Variants in STK32B observed in about 807,000 individuals in gnomAD.
The protein encoded by STK32B is serine/threonine-protein kinase 32B.
Under a neutral mutation model 52.6 loss-of-function variants are expected in STK32B, and 43 were observed. The ratio of observed to expected loss-of-function variants is 0.82; its 90% CI spans 0.64 to 1.05. The LOEUF (loss-of-function observed/expected upper bound fraction) is 1.05. Among genes scored for constraint, STK32B ranks in the 50% least tolerant of loss-of-function variants. STK32B has a pLI of 0.00. For missense variants in STK32B, 621 were observed against 534.6 expected, an observed-to-expected ratio of 1.16 and a Z score of -1.59; for synonymous variants, 238 against 204.3, an observed-to-expected ratio of 1.17 and a Z score of -1.41.
Position 5,168,537 on chromosome 4 carries a change from A to G in STK32B, c.260+87A>G, listed in dbSNP as rs1358051066. 3 of 1,427,892 alleles carry G rather than the reference A, an allele frequency of 2.1e-6. No individual in the cohort carries two copies. The East Asian group carries it at 7.3e-5, about 35-fold the overall frequency. 88.5% of individuals were successfully genotyped at this position (1,427,892 alleles called of 1,614,324 possible). A position where few individuals can be genotyped will look rare whatever the true frequency, so the allele number is the denominator to read the frequency against. On this transcript the variant is annotated intron_variant, in intron 3 of 11. Transcript: ENST00000282908. Reference sequence around the variant, plus strand: ...GCCTCTGCTAGAGGGACTCTTCCGCATTGTAAAGGGAAAGGGATGCAATTT... The same window carrying G: ...GCCTCTGCTAGAGGGACTCTTCCGCGTTGTAAAGGGAAAGGGATGCAATTT...
At chr4:5,255,414 G>T (rs1176618539) in intron 3 of STK32B, among the ~76,000 whole-genome samples, 4 of 152,158 alleles carry the variant, frequency 2.6e-5, no homozygotes, top group South Asian at 2.1e-4. Context: ...TATCTCATAG[G>T]TTTTTTTAAA....
rs905879144 is a variant in STK32B, at chr4:5,386,493, G to A, written c.435-11714G>A. On this transcript the variant is annotated intron_variant, in intron 4 of 11. Coordinates refer to ENST00000282908, the MANE Select transcript of STK32B (RefSeq NM_018401.3). This position sits in a 1 kb window ranked among gnomAD's most constrained non-coding sequence, Gnocchi z 4.5. ...TCCAGACCTGAGCCCAGTTTGAAGTGCACATATTTGTAATTTGACCTAGTA... is the reference window on the plus strand; with the variant it reads ...TCCAGACCTGAGCCCAGTTTGAAGTACACATATTTGTAATTTGACCTAGTA... Among the ~76,000 whole-genome samples, 2 of 152,260 alleles carry A rather than the reference G, an allele frequency of 1.3e-5. No individual in the cohort carries two copies. Among genetic ancestry groups the A allele is most frequent in the African/African-American group, 4.8e-5 (2 of 41,544 alleles).
At chr4:5,317,021 AAT>A (rs1730979611) in intron 3 of STK32B, among the ~76,000 whole-genome samples, 1 of 41,290 alleles carries the variant, frequency 2.4e-5, no homozygotes, top group Non-Finnish European at 3.4e-5. Flanking sequence ...TATAATATAT[AAT>A]ATATATGATA....
At chr4:5,357,255 T>C (rs1017074284) in intron 4 of STK32B, among the ~76,000 whole-genome samples, 1 of 150,632 alleles carries the variant, frequency 6.6e-6, no homozygotes, top group African/African-American at 2.5e-5. Flanking sequence ...TTAATTGGAA[T>C]GTACTGTGTT....
At chr4:5,463,565 TAC>T (rs1717202012) in intron 9 of STK32B, among the ~76,000 whole-genome samples, 1 of 151,604 alleles carries the variant, frequency 6.6e-6, no homozygotes, top group Non-Finnish European at 1.5e-5. Flanking sequence ...CTCACACACA[TAC>T]CTACTCATCC....
chr4:5,059,801 T>G (rs1016935906), intron 1 of STK32B, among the ~76,000 whole-genome samples: 40 of 152,144 alleles, frequency 2.6e-4, no homozygotes, highest in Admixed American at 2.6e-3. Flanking sequence ...GGTAAATTCT[T>G]CCAAACATTA....
chr4:5,433,540 T>C lies in STK32B; in HGVS notation c.563-13133T>C, dbSNP rs76989531. Among the ~76,000 whole-genome samples the C allele has an allele frequency of 4.9e-3, 753 of 152,224 alleles. 20 individuals are homozygous for C. The East Asian group carries it at 0.071, about 14-fold the overall frequency. On this transcript the variant is annotated intron_variant, in intron 6 of 11. Transcript: ENST00000282908. ...TAGTCCCAGCTGGGCCAGAAGTCATTTAACTCCTCCATTCGGACTTGGCTT... is the reference window on the plus strand; with the variant it reads ...TAGTCCCAGCTGGGCCAGAAGTCATCTAACTCCTCCATTCGGACTTGGCTT...
chr4:5,318,659 G>C (rs1032574581), intron 3 of STK32B, among the ~76,000 whole-genome samples: 22 of 152,076 alleles, frequency 1.4e-4, no homozygotes, highest in Non-Finnish European at 3.1e-4. Flanking sequence ...AACAGCATAA[G>C]AAAAGGTACA....
intron 6 of STK32B, among the ~76,000 whole-genome samples, chr4:5,440,463 A>G (rs1364566028): frequency 1.3e-5 from 2 of 152,130 alleles, no homozygotes; most frequent in Non-Finnish European, 2.9e-5. Flanking sequence ...TTGTATCCTG[A>G]GACTTTGCTG....
chr4:5,032,624 A>T, the STK32B span, among the ~76,000 whole-genome samples: 2 of 152,186 alleles, frequency 1.3e-5, no homozygotes, highest in East Asian at 3.8e-4. Context: ...CTATGAAAAA[A>T]AATTTTATTG....
intron 11 of STK32B, among the ~76,000 whole-genome samples, chr4:5,493,250 T>C (rs1459818626): frequency 6.6e-6 from 1 of 152,200 alleles, no homozygotes; most frequent in African/African-American, 2.4e-5. Flanking sequence ...ATTGCCACAA[T>C]TTCAGAGCCT....
intron 11 of STK32B, among the ~76,000 whole-genome samples, chr4:5,474,575 A>G (rs904237026): frequency 1.3e-5 from 2 of 152,168 alleles, no homozygotes; most frequent in African/African-American, 4.8e-5. Flanking sequence ...CACAAACCTC[A>G]CTGCTGGGAA....
intron 1 of STK32B, among the ~76,000 whole-genome samples, chr4:5,074,075 T>G (rs1316378043): frequency 6.6e-6 from 1 of 151,938 alleles, no homozygotes; most frequent in Non-Finnish European, 1.5e-5. Flanking sequence ...CACACATCCC[T>G]CCCCCTTTTA....
intron 3 of STK32B, among the ~76,000 whole-genome samples, chr4:5,321,735 A>G (rs993650690): frequency 2.6e-5 from 4 of 152,158 alleles, no homozygotes; most frequent in Non-Finnish European, 5.9e-5. Flanking sequence ...ACAGTCTGCA[A>G]AGCCCCTCCA....
rs1715404757 is a variant in STK32B at position 5,127,018 on chromosome 4, A to T, written c.53-12887A>T. 1.3e-5 allele frequency: 6 copies of T among 463,102 alleles called. No individual in the cohort carries two copies. The Admixed American group carries it at 1.4e-4, about 11-fold the overall frequency. 28.7% of individuals were successfully genotyped at this position (463,102 alleles called of 1,614,324 possible). A position where few individuals can be genotyped will look rare whatever the true frequency, so the allele number is the denominator to read the frequency against. On this transcript the variant is annotated intron_variant, in intron 1 of 11. Coordinates refer to ENST00000282908, the MANE Select transcript of STK32B (RefSeq NM_018401.3). Reference sequence around the variant, plus strand: ...TTGCACAGATGACAGCATTACTCACATAATGCTCAGAATGCTCAATGCTGA... The same window carrying T: ...TTGCACAGATGACAGCATTACTCACTTAATGCTCAGAATGCTCAATGCTGA...
chr4:5,039,058 C>T, the STK32B span, among the ~76,000 whole-genome samples: 1 of 147,310 alleles, frequency 6.8e-6, no homozygotes, highest in Admixed American at 6.8e-5. Flanking sequence ...ATGATCATAG[C>T]CCACAGCAGT....
At chr4:5,238,777 A>G (rs548578196) in intron 3 of STK32B, among the ~76,000 whole-genome samples, 8 of 152,272 alleles carry the variant, frequency 5.3e-5, no homozygotes, top group South Asian at 2.1e-4. Context: ...TCACTCAACA[A>G]TTGTGTTCTC....
chr4:5,294,670 G>C (rs1729081918), intron 3 of STK32B, among the ~76,000 whole-genome samples: 1 of 152,088 alleles, frequency 6.6e-6, no homozygotes, highest in Non-Finnish European at 1.5e-5. Context: ...AGGAGTTTTT[G>C]GACTGAGACG....
intron 6 of STK32B, among the ~76,000 whole-genome samples, chr4:5,442,400 T>C (rs1228283368): frequency 6.6e-5 from 10 of 151,964 alleles, no homozygotes; most frequent in South Asian, 4.2e-4. Context: ...GTTTAAAGTC[T>C]GTTTTATCAG....
Sources: gnomAD v4.1 joint callset for allele counts (sites outside exome capture counted in the v4.1 genomes callset) on GRCh38, gnomAD v4.1.1 for gene constraint, Gnocchi (gnomAD v3.1) non-coding constraint, MANE v1.5 for transcripts, NCBI Gene and HGNC (gene_info 2026-07-23, HGNC 2026-07-21) for gene names.